GATD1: variants seen among roughly 807,000 people sequenced by gnomAD.
GATD1 encodes glutamine amidotransferase-like class 1 domain-containing protein 1.
In GATD1, 23 loss-of-function variants were observed where a neutral mutation model predicts 25.9. The observed-to-expected ratio is 0.89, with a 90% CI of 0.64 to 1.26. GATD1 has a LOEUF of 1.26. GATD1 is among the 50% of genes most tolerant of loss of function. The pLI is 0.00. For missense variants in GATD1, 347 were observed against 312.5 expected (o/e 1.11, Z -0.83); for synonymous variants, 177 against 134.6 (o/e 1.31, Z -2.18).
intron 3 of GATD1, among the ~76,000 whole-genome samples, 189 bp from the exon 4 acceptor site, chr11:773,818 C>G (rs546403466): frequency 6.6e-6 from 1 of 152,196 alleles, no homozygotes; most frequent in Non-Finnish European, 1.5e-5. Context: ...TCCACACACT[C>G]ACCAACTCTC....
Position 770,424 on chromosome 11 carries a change from C to G in GATD1, c.*473G>C. On this transcript the variant is annotated 3_prime_UTR_variant, in exon 8 of 8. Coordinates refer to ENST00000319863, the MANE Select transcript of GATD1 (RefSeq NM_182612.4). ...CTAAAAAATTCCGTTCACCTTTGGC[C>G]AAAGTTCTGAGCCAGCTCCCGCCGG... 1 of 1,513,098 alleles carries G rather than the reference C, an allele frequency of 6.6e-7. No individual in the cohort carries two copies. 93.7% of individuals were successfully genotyped at this position (1,513,098 alleles called of 1,614,324 possible).
intron 5 of GATD1, 106 bp downstream of exon 5, chr11:772,321 G>A (rs1478841747): frequency 1.3e-6 from 1 of 760,574 alleles, no homozygotes; most frequent in African/African-American, 2.0e-5. Flanking sequence ...AGCACAGCGT[G>A]CCTCGGCCTC....
chr11:775,857 C>T (rs920324114), intron 1 of GATD1, among the ~76,000 whole-genome samples: 1 of 152,164 alleles, frequency 6.6e-6, no homozygotes, highest in African/African-American at 2.4e-5. Context: ...GACACAGCCC[C>T]GCCCACCCTG....
chr11:774,767 T>A (rs1382017008), intron 2 of GATD1, among the ~76,000 whole-genome samples: 1 of 151,560 alleles, frequency 6.6e-6, no homozygotes, highest in South Asian at 2.1e-4. Context: ...GAGGCGGAGG[T>A]TGTGGTGAGC....
rs1435178755 is a variant in GATD1 at position 767,490 on chromosome 11, C to A, written c.*3407G>T. On this transcript the variant is annotated 3_prime_UTR_variant, in exon 8 of 8. Transcript: ENST00000319863. ...CTCACGCGGAGACAGGTCTGTGGGG[C>A]CCCGCGTCAGAACCCACTTCACATC... is the stretch of plus-strand genomic sequence containing the variant. 12 of 1,433,816 alleles carry A rather than the reference C, an allele frequency of 8.4e-6. No individual in the cohort carries two copies. Among genetic ancestry groups the A allele is most frequent in the Non-Finnish European group, 1.1e-5 (12 of 1,099,862 alleles). 88.8% of individuals were successfully genotyped at this position (1,433,816 alleles called of 1,614,324 possible). A position where few individuals can be genotyped will look rare whatever the true frequency, so the allele number is the denominator to read the frequency against.
In GATD1 at chr11:771,120, G is replaced by T. The variant is rs992016608; in HGVS notation, c.545-16C>A. 1.3e-6 allele frequency: 2 copies of T among 1,574,934 alleles called. No homozygotes were observed. The highest frequency in any genetic ancestry group is 2.7e-5 in the African/African-American group (2 of 73,958). On this transcript the variant is annotated splice_polypyrimidine_tract_variant and intron_variant, in intron 6 of 7. Transcript: ENST00000319863. ...GGCTCGCTTGCTGGGGAGGACCGAG[G>T]GCACCAACCTCAGGCAATGTCCACC...
chr11:776,391 C>G (rs1259352309), intron 1 of GATD1, among the ~76,000 whole-genome samples: 1 of 152,140 alleles, frequency 6.6e-6, no homozygotes, highest in African/African-American at 2.4e-5. Context: ...GCTGCCCGCC[C>G]TTCCGGCCTC....
intron 4 of GATD1, 145 bp from the exon 5 acceptor site, chr11:772,666 C>A (rs985607179): frequency 1.4e-6 from 1 of 701,186 alleles, no homozygotes; most frequent in South Asian, 1.7e-5. Flanking sequence ...CTGGACTCAG[C>A]ACCCGGGTGT....
At position 771,108 on chromosome 11, in the gene GATD1, G is replaced by A; in HGVS notation, c.545-4C>T. On this transcript the variant is annotated splice_region_variant and splice_polypyrimidine_tract_variant and intron_variant, in intron 6 of 7. Coordinates refer to ENST00000319863, the MANE Select transcript of GATD1 (RefSeq NM_182612.4). Reference sequence around the variant, plus strand: ...TGGACAGCGTCAGGCTCGCTTGCTGGGGAGGACCGAGGGCACCAACCTCAG... The same window carrying A: ...TGGACAGCGTCAGGCTCGCTTGCTGAGGAGGACCGAGGGCACCAACCTCAG... 2 of 1,587,732 alleles carry A rather than the reference G, an allele frequency of 1.3e-6. No homozygotes were observed. The highest frequency in any genetic ancestry group is 1.7e-6 in the Non-Finnish European group (2 of 1,169,814).
Position 769,208 on chromosome 11 carries a change from C to T in GATD1, c.*1689G>A. On this transcript the variant is annotated 3_prime_UTR_variant, in exon 8 of 8. Transcript: ENST00000319863. ...GGCCCCGTGGCCAGTGCTAAGTGGG[C>T]ATCCTGACTAATCTGCGAGGCACTG... The T allele has an allele frequency of 1.0e-6, 1 of 985,504 alleles. No individual in the cohort carries two copies. Among genetic ancestry groups the T allele is most frequent in the Non-Finnish European group, 1.2e-6 (1 of 829,946 alleles). The allele number at this position is 985,504 out of a possible 1,614,324, so 61.0% of individuals were successfully genotyped here. A position where few individuals can be genotyped will look rare whatever the true frequency, so the allele number is the denominator to read the frequency against.
Position 777,409 on chromosome 11 carries a change from G to A in GATD1, c.54C>T (p.Gly18=). The part of the protein sequence containing the change: ...NRPACLLVAS[G]AAEGVSAQSF... Reference sequence around the variant, plus strand: ...GCCGCCGGGCCTCACCTTCGGCGGCGCCGCTGGCCACGAGCAGACAGGCGG... The same window carrying A: ...GCCGCCGGGCCTCACCTTCGGCGGCACCGCTGGCCACGAGCAGACAGGCGG... The change falls in exon 1 of 8, where the codon GGC becomes GGT. Residue 18 remains glycine (G), a synonymous_variant. Transcript: ENST00000319863. 1.5e-6 allele frequency: 2 copies of A among 1,296,818 alleles called. No homozygotes were observed. The highest frequency in any genetic ancestry group is 4.2e-5 in the South Asian group (2 of 47,488). 80.3% of individuals were successfully genotyped at this position (1,296,818 alleles called of 1,614,324 possible). A position where few individuals can be genotyped will look rare whatever the true frequency, so the allele number is the denominator to read the frequency against.
Position 770,315 on chromosome 11 carries a change from C to A in GATD1, c.*582G>T. 2 of 1,533,088 alleles carry A rather than the reference C, an allele frequency of 1.3e-6. No individual in the cohort carries two copies. Among genetic ancestry groups the A allele is most frequent in the South Asian group, 1.2e-5 (1 of 83,762 alleles). 95.0% of individuals were successfully genotyped at this position (1,533,088 alleles called of 1,614,324 possible). ...AGGGTGCATCACTGAGGTGCTTACA[C>A]TTTGAAACCACACGCCAGGAAGATT... On this transcript the variant is annotated 3_prime_UTR_variant, in exon 8 of 8. Transcript: ENST00000319863.
chr11:770,932 G>C, intron 7 of GATD1, 29 bp from the exon 8 acceptor site: 1 of 1,612,736 alleles, frequency 6.2e-7, no homozygotes, highest in Non-Finnish European at 8.5e-7. Flanking sequence ...GTCAAAGCTT[G>C]GGCAAAAGCA....
In GATD1 at chr11:768,033, T is replaced by A. The variant is rs1486135920; in HGVS notation, c.*2864A>T. ...GCCCGGCTAATTTCTGTATTTTTAG[T>A]AGAGACGGGGTTTCACCATCTTGGC... On this transcript the variant is annotated 3_prime_UTR_variant, in exon 8 of 8. Transcript: ENST00000319863. 1.3e-5 allele frequency: 2 copies of A among 151,960 alleles called. No homozygotes were observed. The highest frequency in any genetic ancestry group is 2.9e-5 in the Non-Finnish European group (2 of 68,000). 9.4% of individuals were successfully genotyped at this position (151,960 alleles called of 1,614,324 possible).
At position 767,906 on chromosome 11, in the gene GATD1, A is replaced by G. The variant is rs1233827895; in HGVS notation, c.*2991T>C. The G allele has an allele frequency of 6.6e-6, 1 of 150,920 alleles. No homozygotes were observed. The highest frequency in any genetic ancestry group is 1.5e-5 in the Non-Finnish European group (1 of 68,326). The allele number at this position is 150,920 out of a possible 1,614,324, so 9.3% of individuals were successfully genotyped here. Reference sequence around the variant, plus strand: ...TGCTCTGTCACCCAGACTAGAGTGCAGTGGCACGATGTCAGCTCACTGCAA... The same window carrying G: ...TGCTCTGTCACCCAGACTAGAGTGCGGTGGCACGATGTCAGCTCACTGCAA... On this transcript the variant is annotated 3_prime_UTR_variant, in exon 8 of 8. Coordinates refer to ENST00000319863, the MANE Select transcript of GATD1 (RefSeq NM_182612.4).
intron 1 of GATD1, among the ~76,000 whole-genome samples, chr11:775,488 C>G (rs556298550): frequency 6.6e-6 from 1 of 152,232 alleles, no homozygotes; most frequent in Admixed American, 6.5e-5. Context: ...CCCACCTCAA[C>G]TGTCCATGCC....
At chr11:777,127 G>T in intron 1 of GATD1, 1 of 276,306 alleles carries the variant, frequency 3.6e-6, no homozygotes, top group East Asian at 6.1e-5. Flanking sequence ...AGACTCGGAG[G>T]AGCGACGCGG....
chr11:770,860 C>T lies in GATD1; in HGVS notation c.*37G>A, dbSNP rs1489286262. The stretch of plus-strand genomic sequence containing the variant: ...TGAGACGGGGCTGCCTCTGGAGACA[C>T]CTGGGCTGTCTCAGGGGGTGCATCT... On this transcript the variant is annotated 3_prime_UTR_variant, in exon 8 of 8. Coordinates refer to ENST00000319863, the MANE Select transcript of GATD1 (RefSeq NM_182612.4). The T allele has an allele frequency of 6.3e-7, 1 of 1,584,726 alleles. No individual in the cohort carries two copies. Among genetic ancestry groups the T allele is most frequent in the Admixed American group, 1.7e-5 (1 of 58,702 alleles).
At position 768,395 on chromosome 11, in the gene GATD1, GGAGGCA is replaced by G. The variant is rs1863177808; in HGVS notation, c.*2496_*2501del. On this transcript the variant is annotated 3_prime_UTR_variant, in exon 8 of 8. Coordinates refer to ENST00000319863, the MANE Select transcript of GATD1 (RefSeq NM_182612.4). ...GAGGCAGGAGAACTGCTTGAATCTG[GGAGGCA>G]GAGGCAGAGGTTGCAGTGAGCTGAG... The G allele has an allele frequency of 6.6e-6, 1 of 151,866 alleles. No homozygotes were observed. Among genetic ancestry groups the G allele is most frequent in the South Asian group, 2.1e-4 (1 of 4,804 alleles). 9.4% of individuals were successfully genotyped at this position (151,866 alleles called of 1,614,324 possible).
Sources: gnomAD v4.1 joint callset for allele counts (sites outside exome capture counted in the v4.1 genomes callset) on GRCh38, gnomAD v4.1.1 for gene constraint, MANE v1.5 for transcripts, NCBI Gene and HGNC (gene_info 2026-07-23, HGNC 2026-07-21) for gene names.